Variants in POLQ observed in about 807,000 individuals in gnomAD.
The protein encoded by POLQ is DNA polymerase theta.
POLQ carries 233 observed loss-of-function variants against 259.2 expected under a neutral mutation model. The observed-to-expected ratio is 0.90, with a 90% CI of 0.81 to 1.00. POLQ has a LOEUF of 1.00. Among genes scored for constraint, POLQ ranks in the 50% least tolerant of loss-of-function variants. The pLI is 0.00. For synonymous variants in POLQ, 1,025 were observed against 1,048.8 expected (o/e 0.98, Z 0.44); for missense variants, 2,871 against 3,051.6 (o/e 0.94, Z 1.39).
intron 25 of POLQ, among the ~76,000 whole-genome samples, chr3:121,450,121 T>G (rs1015004366): frequency 2.0e-5 from 3 of 152,194 alleles, no homozygotes; most frequent in Admixed American, 2.0e-4. Flanking sequence ...TGTATCTTAA[T>G]TTCTTCATCT....
At chr3:121,444,862 G>A (rs1481781837) in intron 26 of POLQ, among the ~76,000 whole-genome samples, 1 of 148,076 alleles carries the variant, frequency 6.8e-6, no homozygotes, top group Non-Finnish European at 1.5e-5. Flanking sequence ...AAATGATATT[G>A]TTTTTATCCT....
chr3:121,534,112 G>A (rs2048432265), intron 5 of POLQ, among the ~76,000 whole-genome samples: 1 of 151,802 alleles, frequency 6.6e-6, no homozygotes. Flanking sequence ...TCCTGACCTC[G>A]TGATCCACCC....
chr3:121,522,612 G>A (rs2048345597), intron 7 of POLQ, among the ~76,000 whole-genome samples: 1 of 152,030 alleles, frequency 6.6e-6, no homozygotes. Context: ...CGCCCGGCTG[G>A]AGATCTTTTA....
chr3:121,480,598 G>A (rs2047962773), intron 19 of POLQ, among the ~76,000 whole-genome samples: 1 of 151,574 alleles, frequency 6.6e-6, no homozygotes. Context: ...TGAGACTACA[G>A]GCAGGAACCA....
chr3:121,516,566 A>C (rs1191120975), intron 9 of POLQ, among the ~76,000 whole-genome samples: 1 of 152,178 alleles, frequency 6.6e-6, no homozygotes, highest in Non-Finnish European at 1.5e-5. Flanking sequence ...TCCACATCAC[A>C]AGAGGGAAGT....
chr3:121,479,178 GA>G (rs2047951353), intron 19 of POLQ, among the ~76,000 whole-genome samples: 1 of 151,962 alleles, frequency 6.6e-6, no homozygotes, highest in Non-Finnish European at 1.5e-5. Flanking sequence ...ATTTGTGAGT[GA>G]AAAAATATAC....
intron 9 of POLQ, among the ~76,000 whole-genome samples, chr3:121,512,555 T>C (rs2048263192): frequency 6.6e-6 from 1 of 152,232 alleles, no homozygotes; most frequent in Non-Finnish European, 1.5e-5. Flanking sequence ...TTACTGCCCA[T>C]TGTTAAAATG....
In POLQ at chr3:121,522,113, A is replaced by G; in HGVS notation, c.1145T>C (p.Leu382Pro). 6.2e-7 allele frequency: 1 copy of G among 1,609,934 alleles called. No homozygotes were observed. Among genetic ancestry groups the G allele is most frequent in the Non-Finnish European group, 8.5e-7 (1 of 1,178,466 alleles). ...VKPSECPPVI[L>P]EQKELLEVMD... Reference sequence around the variant, plus strand: ...CACTTCCAGGAGTTCTTTTTGTTCCAGAATTACTGGTGGGCATTCAGAGGG... The same window carrying G: ...CACTTCCAGGAGTTCTTTTTGTTCCGGAATTACTGGTGGGCATTCAGAGGG... Residue 382 changes from leucine (L) to proline (P), a missense_variant, in exon 8 of 30, where the codon CTG (leucine) becomes CCG (proline). Transcript: ENST00000264233.
In POLQ at chr3:121,488,119, A is replaced by C; in HGVS notation, c.4812T>G (p.Gly1604=). 6.2e-7 allele frequency: 1 copy of C among 1,613,250 alleles called. No individual in the cohort carries two copies. The highest frequency in any genetic ancestry group is 1.7e-5 in the Admixed American group (1 of 59,918). ...CATCTTGATCTCCTCCATCTTGATC[A>C]CCTTGGTGGTGCTCATCAAGTACTG... is the stretch of plus-strand genomic sequence containing the variant. The part of the protein sequence containing the change: ...SDPVLDEHHQ[G]DQDGGDQDER... Residue 1604 remains glycine, a synonymous_variant, in exon 16 of 30, where the codon GGT becomes GGG. Coordinates refer to ENST00000264233, the MANE Select transcript of POLQ (RefSeq NM_199420.4).
chr3:121,496,978 A>G (rs775031612), intron 13 of POLQ, 46 bp from the exon 14 acceptor site: 1 of 1,597,316 alleles, frequency 6.3e-7, no homozygotes, highest in Non-Finnish European at 8.5e-7. Flanking sequence ...CTTCACGTCT[A>G]CTAGGCGATA....
At chr3:121,515,996 G>A (rs1486958288) in intron 9 of POLQ, among the ~76,000 whole-genome samples, 2 of 151,740 alleles carry the variant, frequency 1.3e-5, no homozygotes, top group African/African-American at 4.8e-5. Flanking sequence ...AAAAAAGAAA[G>A]AGAAATCTTA....
rs558660849 is a variant in POLQ, at chr3:121,486,870, GGAAAGAAA to G, written c.5629+424_5629+431del. Among the ~76,000 whole-genome samples the G allele has an allele frequency of 5.6e-3, 784 of 140,858 alleles. 10 individuals are homozygous for G. Among genetic ancestry groups the G allele is most frequent in the African/African-American group, 0.02 (750 of 37,588 alleles). 92.4% of individuals were successfully genotyped at this position (140,858 alleles called of 152,430 possible). On this transcript the variant is annotated intron_variant, in intron 16 of 29. Coordinates refer to ENST00000264233, the MANE Select transcript of POLQ (RefSeq NM_199420.4). The stretch of plus-strand genomic sequence containing the variant: ...GGCAACTGAACAAGACAAAGAAAGA[GGAAAGAAA>G]GAAAGAAAGAGAGACAGAGAGAGAG...
Position 121,473,727 on chromosome 3 carries a change from C to CTTT in POLQ, c.6406-243_6406-241dup, listed in dbSNP as rs10636473. Among the ~76,000 whole-genome samples the CTTT allele has an allele frequency of 8.8e-3, 1,010 of 114,222 alleles. 44 individuals carry two copies. The highest frequency in any genetic ancestry group is 0.013 in the Non-Finnish European group (746 of 58,044). 74.9% of individuals were successfully genotyped at this position (114,222 alleles called of 152,430 possible). On this transcript the variant is annotated intron_variant, in intron 20 of 29. Coordinates refer to ENST00000264233, the MANE Select transcript of POLQ (RefSeq NM_199420.4). ...AGATTAATTAATACTAACACAAGGCCTTTTTTTTTTTTTTTTTTTGAGACA... is the reference window on the plus strand; with the variant it reads ...AGATTAATTAATACTAACACAAGGCCTTTTTTTTTTTTTTTTTTTTTTGAGACA...
intron 4 of POLQ, among the ~76,000 whole-genome samples, chr3:121,537,514 G>A (rs2056447663): frequency 6.6e-6 from 1 of 152,120 alleles, no homozygotes; most frequent in Admixed American, 6.5e-5. Flanking sequence ...AGTACTCAAA[G>A]GTTAATTCCC....
Position 121,519,957 on chromosome 3 carries a change from G to A in POLQ, c.1382C>T (p.Thr461Ile). 6.2e-7 allele frequency: 1 copy of A among 1,612,300 alleles called. No individual in the cohort carries two copies. Among genetic ancestry groups the A allele is most frequent in the Non-Finnish European group, 8.5e-7 (1 of 1,178,588 alleles). The change falls in exon 9 of 30, where the codon ACC becomes ATC. Residue 461 changes from threonine (T) to isoleucine (I), a missense_variant. Thr to Ile is a moderately conservative substitution (Grantham distance 89). Coordinates refer to ENST00000264233, the MANE Select transcript of POLQ (RefSeq NM_199420.4). ...NLPARRVIIR[T>I]PIFGGRPLDI... ...TAGAGGTCGACCACCAAAAATAGGG[G>A]TTCGAATAATCACACGACGTGCAGG...
Position 121,449,330 on chromosome 3 carries a change from T to G in POLQ, c.7249A>C (p.Lys2417Gln). The G allele has an allele frequency of 6.6e-7, 1 of 1,523,452 alleles. No homozygotes were observed. The highest frequency in any genetic ancestry group is 1.1e-5 in the South Asian group (1 of 89,152). 94.4% of individuals were successfully genotyped at this position (1,523,452 alleles called of 1,614,324 possible). A position where few individuals can be genotyped will look rare whatever the true frequency, so the allele number is the denominator to read the frequency against. The change falls in exon 26 of 30, where the codon AAA (lysine) becomes CAA (glutamine). Residue 2417 changes from lysine to glutamine, a missense_variant. Lys to Gln is a moderately conservative substitution (Grantham distance 53). This residue lies in a region of POLQ where 2,080 missense variants were observed against 2,126.0 expected (regional missense o/e 0.98). Coordinates refer to ENST00000264233, the MANE Select transcript of POLQ (RefSeq NM_199420.4). Reference protein sequence around the residue: ...NDAACYIDSFKSRYTGINQFM... With the variant: ...NDAACYIDSFQSRYTGINQFM... ...GATAAATTACCTGTGTATCTGGATTTGAAGGAGTCAATATAGCATGCAGCA... is the reference window on the plus strand; with the variant it reads ...GATAAATTACCTGTGTATCTGGATTGGAAGGAGTCAATATAGCATGCAGCA...
chr3:121,520,129 T>C, intron 8 of POLQ, 46 bp from the exon 9 acceptor site: 1 of 1,056,566 alleles, frequency 9.5e-7, no homozygotes, highest in Non-Finnish European at 1.4e-6. Context: ...ATAACGAAAA[T>C]ATTATACGTG....
chr3:121,519,221 A>T (rs1440272326), intron 9 of POLQ, among the ~76,000 whole-genome samples: 2 of 152,020 alleles, frequency 1.3e-5, no homozygotes, highest in African/African-American at 2.4e-5. Context: ...TAAAGAGTAG[A>T]CTACACCTAG....
chr3:121,485,431 GA>G (rs2048003845), intron 16 of POLQ, among the ~76,000 whole-genome samples: 1 of 152,116 alleles, frequency 6.6e-6, no homozygotes, highest in Non-Finnish European at 1.5e-5. Context: ...TTAACGTCAA[GA>G]AAGGGAGGCT....
Sources: allele counts gnomAD v4.1 joint callset (sites outside exome capture counted in the v4.1 genomes callset), GRCh38; gene constraint gnomAD v4.1.1; regional missense constraint gnomAD v4.1.1; transcripts MANE v1.5; gene names NCBI Gene and HGNC (gene_info 2026-07-23, HGNC 2026-07-21).